Variants in PLCE1 observed in about 807,000 individuals in gnomAD.
PLCE1 encodes the protein phospholipase C epsilon 1.
Under a neutral mutation model 242.8 loss-of-function variants are expected in PLCE1, and 119 were observed. That is an observed-to-expected ratio of 0.49 (90% CI 0.42 to 0.57). PLCE1 has a LOEUF of 0.57. PLCE1 is among the 20% of genes least tolerant of loss of function. The pLI, the probability that PLCE1 is intolerant of heterozygous loss-of-function variation, is 0.00. For synonymous variants in PLCE1, 945 were observed against 1,017.4 expected, an observed-to-expected ratio of 0.93 and a Z score of 1.35; for missense variants, 2,441 against 2,788.8, an observed-to-expected ratio of 0.88 and a Z score of 2.81.
intron 3 of PLCE1, among the ~76,000 whole-genome samples, chr10:94,159,086 G>A (rs1243276511): frequency 1.3e-5 from 2 of 151,856 alleles, no homozygotes; most frequent in Non-Finnish European, 2.9e-5. Context: ...TGGAGATTCT[G>A]TCAACTTTTT....
chr10:94,223,313 A>G (rs1339311842), intron 4 of PLCE1, among the ~76,000 whole-genome samples: 1 of 150,950 alleles, frequency 6.6e-6, no homozygotes, highest in Non-Finnish European at 1.5e-5. Flanking sequence ...AAGATTCCTG[A>G]GATGTTAAAA....
intron 4 of PLCE1, among the ~76,000 whole-genome samples, chr10:94,220,928 C>G (rs79475918): frequency 0.042 from 6,431 of 152,296 alleles, 205 homozygotes; most frequent in Non-Finnish European, 0.066. Context: ...GCCACTACAC[C>G]GTGCTGCCTC....
intron 2 of PLCE1, among the ~76,000 whole-genome samples, chr10:94,062,755 C>T (rs2044094555): frequency 6.6e-6 from 1 of 152,018 alleles, no homozygotes; most frequent in Non-Finnish European, 1.5e-5. Context: ...ATGACATAGT[C>T]AACTGTTGTC....
intron 5 of PLCE1, among the ~76,000 whole-genome samples, chr10:94,229,174 T>A (rs2050054871): frequency 6.8e-6 from 1 of 146,724 alleles, no homozygotes; most frequent in African/African-American, 2.5e-5. Flanking sequence ...AGAGGGAAAC[T>A]CTGTATCAAA....
At chr10:94,220,686 T>G (rs1030607911) in intron 4 of PLCE1, among the ~76,000 whole-genome samples, 1 of 151,996 alleles carries the variant, frequency 6.6e-6, no homozygotes, top group Non-Finnish European at 1.5e-5. Flanking sequence ...AGCAGAGCAG[T>G]CACAGTAGTG....
At chr10:94,164,876 C>G (rs558943382) in intron 3 of PLCE1, among the ~76,000 whole-genome samples, 16 of 152,320 alleles carry the variant, frequency 1.1e-4, no homozygotes, top group African/African-American at 3.1e-4. Context: ...AGCTGCAGGT[C>G]TGTTGGAGTT....
chr10:94,164,654 T>G (rs1321018492), intron 3 of PLCE1, among the ~76,000 whole-genome samples: 1 of 152,228 alleles, frequency 6.6e-6, no homozygotes, highest in Non-Finnish European at 1.5e-5. Flanking sequence ...TCATTCTCCA[T>G]CCAGCTTTGT....
intron 1 of PLCE1, among the ~76,000 whole-genome samples, chr10:94,003,102 T>G (rs888093674): frequency 6.6e-6 from 1 of 152,228 alleles, no homozygotes; most frequent in Non-Finnish European, 1.5e-5. Flanking sequence ...TCCTGCACTG[T>G]CTAGGTAGAG....
intron 13 of PLCE1, among the ~76,000 whole-genome samples, chr10:94,260,895 T>TA (rs1333949739): frequency 1.3e-5 from 2 of 152,148 alleles, no homozygotes; most frequent in African/African-American, 4.8e-5. Context: ...AGTTCCAATA[T>TA]ACTCTCTTCT....
At chr10:94,212,904 T>G (rs1272618454) in intron 4 of PLCE1, among the ~76,000 whole-genome samples, 1 of 152,254 alleles carries the variant, frequency 6.6e-6, no homozygotes, top group African/African-American at 2.4e-5. Flanking sequence ...CAGATCAATC[T>G]GCTCATCAAG....
In PLCE1 at chr10:94,053,782, A is replaced by G. The variant is rs112608717; in HGVS notation, c.1206+21530A>G. Among the ~76,000 whole-genome samples, 999 of 152,370 alleles carry G rather than the reference A, an allele frequency of 6.6e-3. 13 individuals carry two copies. The highest frequency in any genetic ancestry group is 0.023 in the African/African-American group (956 of 41,586). On this transcript the variant is annotated intron_variant, in intron 2 of 32. Coordinates refer to ENST00000371380, the MANE Select transcript of PLCE1 (RefSeq NM_016341.4). ...TTGGAGCTGCCAAGATGCTAGTCACAATAGTGAGAGCCAGCCTTCCAGTCG... is the reference window on the plus strand; with the variant it reads ...TTGGAGCTGCCAAGATGCTAGTCACGATAGTGAGAGCCAGCCTTCCAGTCG...
chr10:94,097,570 A>G (rs1455483473), intron 2 of PLCE1, among the ~76,000 whole-genome samples: 1 of 152,188 alleles, frequency 6.6e-6, no homozygotes, highest in Non-Finnish European at 1.5e-5. Context: ...TAAGGAAGGT[A>G]TCCAGTGAGC....
At chr10:94,189,018 A>T (rs1035164079) in intron 4 of PLCE1, among the ~76,000 whole-genome samples, 4 of 151,036 alleles carry the variant, frequency 2.6e-5, no homozygotes, top group African/African-American at 7.3e-5. Context: ...AAAAAAAAAA[A>T]AAAAATTTGT....
At chr10:94,269,769 G>C (rs1041035174) in intron 17 of PLCE1, among the ~76,000 whole-genome samples, 9 of 152,188 alleles carry the variant, frequency 5.9e-5, no homozygotes, top group African/African-American at 2.2e-4. Flanking sequence ...AATGTAATGA[G>C]CATCAGTTCC....
chr10:94,082,742 A>T (rs1464934541), intron 2 of PLCE1, among the ~76,000 whole-genome samples: 1 of 152,258 alleles, frequency 6.6e-6, no homozygotes, highest in Admixed American at 6.5e-5. Context: ...TTTTCCATAC[A>T]TTAGCAATGA....
chr10:94,104,622 T>C (rs1417400271), intron 2 of PLCE1: 1 of 152,208 alleles, frequency 6.6e-6, no homozygotes, highest in African/African-American at 2.4e-5. Flanking sequence ...AGGATTTATT[T>C]CTTTTGATCT....
chr10:94,021,790 T>C (rs1055359352), intron 1 of PLCE1, among the ~76,000 whole-genome samples: 1 of 152,164 alleles, frequency 6.6e-6, no homozygotes, highest in Non-Finnish European at 1.5e-5. Flanking sequence ...TAGTTCACGA[T>C]GTTAACCTAT....
intron 32 of PLCE1, among the ~76,000 whole-genome samples, chr10:94,327,196 T>C (rs1037184890): frequency 5.3e-5 from 8 of 152,192 alleles, no homozygotes; most frequent in African/African-American, 1.9e-4. Flanking sequence ...TTATAGTCAT[T>C]GGTGCATCTA....
intron 20 of PLCE1, among the ~76,000 whole-genome samples, chr10:94,281,645 G>GTA (rs2052228382): frequency 6.6e-6 from 1 of 152,126 alleles, no homozygotes. Context: ...AGATGCCTCA[G>GTA]ATATGTAATC....
Sources: gnomAD v4.1 joint callset for allele counts (sites outside exome capture counted in the v4.1 genomes callset) on GRCh38, gnomAD v4.1.1 for gene constraint, MANE v1.5 for transcripts, NCBI Gene and HGNC (gene_info 2026-07-23, HGNC 2026-07-21) for gene names.